Variants in VPS26A observed in about 807,000 individuals in gnomAD.
The protein encoded by VPS26A is vacuolar protein sorting-associated protein 26A.
VPS26A carries 22 observed loss-of-function variants against 42.4 expected under a neutral mutation model. The ratio of observed to expected loss-of-function variants is 0.52; its 90% CI spans 0.37 to 0.74. The LOEUF (loss-of-function observed/expected upper bound fraction) is 0.74, where lower values mean the gene tolerates loss of function less well. VPS26A is among the 30% of genes least tolerant of loss of function. The pLI, the probability that VPS26A is intolerant of heterozygous loss-of-function variation, is 0.00. For missense variants in VPS26A, 276 were observed against 379.2 expected (o/e 0.73, Z 2.26); for synonymous variants, 110 against 123.5 (o/e 0.89, Z 0.73).
At chr10:69,139,092 T>C (rs1269024726) in intron 2 of VPS26A, among the ~76,000 whole-genome samples, 1 of 152,140 alleles carries the variant, frequency 6.6e-6, no homozygotes, top group Non-Finnish European at 1.5e-5. Flanking sequence ...GCACCACCAG[T>C]CCTTATATCT....
In VPS26A at chr10:69,124,217, GC is replaced by G. The variant is rs891740406; in HGVS notation, c.-60del. ...GAGCGCCGGAGCGGAGGGAGCCGGGGCTGGGAGTTCTCCTGAGGGAAGAGGA... is the reference window on the plus strand; with the variant it reads ...GAGCGCCGGAGCGGAGGGAGCCGGGGTGGGAGTTCTCCTGAGGGAAGAGGA... On this transcript the variant is annotated 5_prime_UTR_variant, in exon 1 of 9. Coordinates refer to ENST00000263559, the MANE Select transcript of VPS26A (RefSeq NM_004896.5). 3.1e-6 allele frequency: 4 copies of G among 1,274,632 alleles called. No individual in the cohort carries two copies. The African/African-American group carries it at 6.1e-5, about 20-fold the overall frequency. The allele number at this position is 1,274,632 out of a possible 1,614,324, so 79.0% of individuals were successfully genotyped here. A position where few individuals can be genotyped will look rare whatever the true frequency, so the allele number is the denominator to read the frequency against.
intron 2 of VPS26A, 116 bp downstream of exon 2, chr10:69,133,163 TC>T: frequency 1.9e-6 from 2 of 1,067,544 alleles, no homozygotes; most frequent in Non-Finnish European, 2.6e-6. Context: ...GATTTTTTTT[TC>T]CCTAAAGTTC....
chr10:69,155,742 C>A, intron 2 of VPS26A, 70 bp from the exon 3 acceptor site: 2 of 1,157,062 alleles, frequency 1.7e-6, no homozygotes, highest in Non-Finnish European at 2.5e-6. Context: ...TTGCATTCAT[C>A]TGAAAGGAAG....
intron 2 of VPS26A, among the ~76,000 whole-genome samples, chr10:69,142,933 G>A (rs1195470498): frequency 6.6e-6 from 1 of 152,156 alleles, no homozygotes; most frequent in African/African-American, 2.4e-5. Context: ...TCTGCTAGGA[G>A]TCCTTTAGTA....
chr10:69,155,580 A>T (rs1191833669), intron 2 of VPS26A, among the ~76,000 whole-genome samples: 1 of 152,218 alleles, frequency 6.6e-6, no homozygotes, highest in African/African-American at 2.4e-5. Context: ...ATTCCTTCTT[A>T]ACAAAGCAGA....
At chr10:69,136,003 T>A (rs1164825794) in intron 2 of VPS26A, among the ~76,000 whole-genome samples, 1 of 152,206 alleles carries the variant, frequency 6.6e-6, no homozygotes, top group African/African-American at 2.4e-5. Context: ...GTACGGTTTT[T>A]AAATCTCTCT....
chr10:69,149,717 C>G (rs1316656193), intron 2 of VPS26A, among the ~76,000 whole-genome samples: 1 of 127,678 alleles, frequency 7.8e-6, no homozygotes. Flanking sequence ...GGAATGTTAA[C>G]TTTCTTGGTG....
intron 4 of VPS26A, among the ~76,000 whole-genome samples, 166 bp from the exon 5 acceptor site, chr10:69,157,881 G>A (rs6480390): frequency 0.042 from 6,338 of 152,068 alleles, 461 homozygotes; most frequent in African/African-American, 0.14. Flanking sequence ...TCATGTTGGG[G>A]GCATTAAAGA....
intron 3 of VPS26A, 50 bp from the exon 4 acceptor site, chr10:69,156,956 AT>A: frequency 6.7e-7 from 1 of 1,499,588 alleles, no homozygotes; most frequent in Non-Finnish European, 8.9e-7. Context: ...TCTGGGTTTT[AT>A]TGAAATGGCT....
chr10:69,125,354 C>T (rs960595281), intron 1 of VPS26A, among the ~76,000 whole-genome samples: 10 of 152,174 alleles, frequency 6.6e-5, no homozygotes, highest in African/African-American at 9.7e-5. Context: ...AATAATTGCT[C>T]AGGTGTGCCT....
Position 69,132,964 on chromosome 10 carries a change from A to G in VPS26A, c.70A>G (p.Arg24Gly). Reference sequence around the variant, plus strand: ...TATTGTTCTTAATGATGGGGAAACCAGGAAAATGGCAGAAATGAAAACTGA... The same window carrying G: ...TATTGTTCTTAATGATGGGGAAACCGGGAAAATGGCAGAAATGAAAACTGA... ...IDIVLNDGET[R>G]KMAEMKTEDG... The change falls in exon 2 of 9, where the codon AGG becomes GGG. Residue 24 changes from arginine to glycine, a missense_variant. Physicochemically the swap from Arg to Gly is moderately radical, Grantham distance 125 (BLOSUM62 -2). Transcript: ENST00000263559. The G allele has an allele frequency of 1.9e-6, 3 of 1,612,528 alleles. No homozygotes were observed. The highest frequency in any genetic ancestry group is 2.5e-6 in the Non-Finnish European group (3 of 1,179,736).
chr10:69,131,450 C>T (rs1277065858), intron 1 of VPS26A, among the ~76,000 whole-genome samples: 1 of 151,648 alleles, frequency 6.6e-6, no homozygotes, highest in Admixed American at 6.6e-5. Context: ...AAAGATCATT[C>T]TGGGCCGGGC....
intron 2 of VPS26A, among the ~76,000 whole-genome samples, chr10:69,151,154 A>G (rs1257101122): frequency 4.6e-5 from 7 of 151,304 alleles, no homozygotes; most frequent in East Asian, 3.9e-4. Flanking sequence ...AGTCCCAGCT[A>G]CTCGGGAGGC....
chr10:69,162,187 G>A (rs1027695265), intron 5 of VPS26A, among the ~76,000 whole-genome samples: 3 of 151,812 alleles, frequency 2.0e-5, no homozygotes, highest in African/African-American at 7.3e-5. Flanking sequence ...AGACAGTTTC[G>A]CCATGTTGGC....
chr10:69,164,739 A>G (rs1275105686), intron 6 of VPS26A, among the ~76,000 whole-genome samples: 1 of 152,150 alleles, frequency 6.6e-6, no homozygotes, highest in African/African-American at 2.4e-5. Flanking sequence ...ATTGTGGTTT[A>G]GGGATTTTGT....
chr10:69,127,651 A>G (rs1470269811), intron 1 of VPS26A, among the ~76,000 whole-genome samples: 4 of 151,070 alleles, frequency 2.6e-5, no homozygotes, highest in East Asian at 1.9e-4. Context: ...ACTTTTTTGC[A>G]TATGCTATAC....
At chr10:69,158,236 G>A in intron 5 of VPS26A, 25 bp downstream of exon 5, 1 of 1,531,760 alleles carries the variant, frequency 6.5e-7, no homozygotes, top group Non-Finnish European at 8.8e-7. Flanking sequence ...CAGATAAGTT[G>A]TTCAGAGAAA....
chr10:69,161,461 G>C (rs140865579), intron 5 of VPS26A: 88 of 160,624 alleles, frequency 5.5e-4, no homozygotes, highest in African/African-American at 2.0e-3. Context: ...TTGAAAAAAA[G>C]AACACTAAAC....
intron 2 of VPS26A, among the ~76,000 whole-genome samples, chr10:69,144,974 C>T (rs769906322): frequency 2.0e-5 from 3 of 151,872 alleles, no homozygotes; most frequent in African/African-American, 4.8e-5. Flanking sequence ...TTGCCTACCC[C>T]TTGGGCACAA....
Sources: gnomAD v4.1 joint callset for allele counts (sites outside exome capture counted in the v4.1 genomes callset) on GRCh38, gnomAD v4.1.1 for gene constraint, MANE v1.5 for transcripts, NCBI Gene and HGNC (gene_info 2026-07-23, HGNC 2026-07-21) for gene names.